NRXN3: variants seen among roughly 807,000 people sequenced by gnomAD.
NRXN3 encodes the protein neurexin 3.
A neutral mutation model predicts 137.6 loss-of-function variants in NRXN3; 32 were observed. The ratio of observed to expected loss-of-function variants is 0.23; its 90% confidence interval spans 0.18 to 0.31. NRXN3 has a LOEUF of 0.31. NRXN3 is among the 10% of genes least tolerant of loss of function. NRXN3 has a pLI of 1.00. For missense variants in NRXN3, 1,574 were observed against 2,062.5 expected (o/e 0.76, Z 4.59); for synonymous variants, 798 against 784.5 (o/e 1.02, Z -0.29).
intron 10 of NRXN3, among the ~76,000 whole-genome samples, chr14:78,903,940 C>A (rs1597205327): frequency 6.6e-6 from 1 of 151,984 alleles, no homozygotes; most frequent in Non-Finnish European, 1.5e-5. Flanking sequence ...GTGATGTTAC[C>A]CATTTATAGG....
intron 15 of NRXN3, among the ~76,000 whole-genome samples, chr14:79,175,925 A>G (rs1250031940): frequency 6.6e-6 from 1 of 151,420 alleles, no homozygotes; most frequent in Non-Finnish European, 1.5e-5. Context: ...TGCACAGAGC[A>G]TGCACGACTC....
chr14:78,625,125 C>T (rs1489147630), intron 4 of NRXN3, among the ~76,000 whole-genome samples: 1 of 152,202 alleles, frequency 6.6e-6, no homozygotes, highest in Non-Finnish European at 1.5e-5. Context: ...CAGGCGTGAG[C>T]CACCGCACCT....
intron 19 of NRXN3, among the ~76,000 whole-genome samples, chr14:79,762,383 A>G (rs938595596): frequency 6.6e-6 from 1 of 151,754 alleles, no homozygotes; most frequent in Non-Finnish European, 1.5e-5. Context: ...AACTGAAGAA[A>G]GAAGGTTGCT....
At chr14:78,676,126 A>G (rs1368696706) in intron 6 of NRXN3, among the ~76,000 whole-genome samples, 1 of 152,190 alleles carries the variant, frequency 6.6e-6, no homozygotes, top group Non-Finnish European at 1.5e-5. Flanking sequence ...AGGCCAATTA[A>G]TAGCCCTACT....
At chr14:79,406,180 A>C (rs2095307075) in intron 15 of NRXN3, among the ~76,000 whole-genome samples, 1 of 151,950 alleles carries the variant, frequency 6.6e-6, no homozygotes, top group African/African-American at 2.4e-5. Flanking sequence ...CCAGATGACC[A>C]AGCCCTACAT....
At chr14:78,576,792 G>A (rs540678856) in intron 4 of NRXN3, among the ~76,000 whole-genome samples, 2 of 152,202 alleles carry the variant, frequency 1.3e-5, no homozygotes, top group Admixed American at 6.5e-5. Flanking sequence ...GAAAACTTGG[G>A]GCAAAATTTG....
chr14:79,711,372 A>T (rs1298430761), intron 19 of NRXN3, among the ~76,000 whole-genome samples: 1 of 152,180 alleles, frequency 6.6e-6, no homozygotes, highest in Non-Finnish European at 1.5e-5. Flanking sequence ...CTTTATAAAA[A>T]ATGTAAACAA....
At chr14:79,388,312 A>G (rs968214462) in intron 15 of NRXN3, among the ~76,000 whole-genome samples, 6 of 152,106 alleles carry the variant, frequency 3.9e-5, no homozygotes, top group African/African-American at 1.4e-4. Context: ...AAAAAAATAA[A>G]TTACCCAGTC....
chr14:78,501,998 G>C (rs148206592), intron 4 of NRXN3, among the ~76,000 whole-genome samples: 1,960 of 152,172 alleles, frequency 0.013, 45 homozygotes, highest in African/African-American at 0.045. Flanking sequence ...AACTATAACA[G>C]AACACTGGAT....
chr14:79,256,506 C>T (rs112856346), intron 15 of NRXN3, among the ~76,000 whole-genome samples: 3,193 of 152,200 alleles, frequency 0.021, 94 homozygotes, highest in African/African-American at 0.071. Flanking sequence ...AGCACCTCCA[C>T]GCTTCTCTCA....
At chr14:79,235,348 C>A (rs1395823856) in intron 15 of NRXN3, among the ~76,000 whole-genome samples, 1 of 152,140 alleles carries the variant, frequency 6.6e-6, no homozygotes, top group South Asian at 2.1e-4. Context: ...TTTGGGCCAA[C>A]AAGTAACCTC....
chr14:78,587,111 GTA>G (rs1254233033), intron 4 of NRXN3, among the ~76,000 whole-genome samples: 1 of 152,206 alleles, frequency 6.6e-6, no homozygotes, highest in African/African-American at 2.4e-5. Flanking sequence ...TTGCATCCAT[GTA>G]GCAGGTTCTG....
At chr14:79,082,415 G>GTGTGTGTGTA (rs1384422477) in intron 15 of NRXN3, among the ~76,000 whole-genome samples, 2 of 151,958 alleles carry the variant, frequency 1.3e-5, no homozygotes, top group African/African-American at 4.8e-5. Flanking sequence ...GTGTGTGTGT[G>GTGTGTGTGTA]TGTGTAGACA....
chr14:78,936,947 A>T (rs2099342023), intron 10 of NRXN3, among the ~76,000 whole-genome samples: 1 of 152,120 alleles, frequency 6.6e-6, no homozygotes, highest in Admixed American at 6.5e-5. Context: ...TCTGTGGGGC[A>T]AAGTGGCTCA....
intron 15 of NRXN3, among the ~76,000 whole-genome samples, chr14:79,004,267 CT>C (rs904081672): frequency 2.0e-5 from 3 of 151,006 alleles, no homozygotes; most frequent in African/African-American, 2.4e-5. Context: ...TTCTTTCTTT[CT>C]TTTTTTTTAG....
chr14:78,738,687 T>C (rs2098551493), intron 8 of NRXN3, among the ~76,000 whole-genome samples: 1 of 152,190 alleles, frequency 6.6e-6, no homozygotes, highest in Non-Finnish European at 1.5e-5. Context: ...CACCCCATTC[T>C]TTTTCCCCAC....
chr14:78,356,831 A>G (rs1034080591), intron 4 of NRXN3, among the ~76,000 whole-genome samples: 9 of 152,300 alleles, frequency 5.9e-5, no homozygotes, highest in Middle Eastern at 3.4e-3. Context: ...ACTACTCAGC[A>G]AAAAAGGGAA....
intron 16 of NRXN3, among the ~76,000 whole-genome samples, chr14:79,562,289 T>G (rs2097505254): frequency 6.6e-6 from 1 of 152,146 alleles, no homozygotes; most frequent in Non-Finnish European, 1.5e-5. Flanking sequence ...ATAGGCCCTA[T>G]TTTTCGAGTA....
intron 4 of NRXN3, among the ~76,000 whole-genome samples, chr14:78,533,646 C>T (rs984000783): frequency 1.3e-5 from 2 of 152,180 alleles, no homozygotes; most frequent in Non-Finnish European, 2.9e-5. Flanking sequence ...TGGGAGCCTT[C>T]CCCTTTGCCA....
Sources: gnomAD v4.1 joint callset for allele counts (sites outside exome capture counted in the v4.1 genomes callset) on GRCh38, gnomAD v4.1.1 for gene constraint, MANE v1.5 for transcripts, NCBI Gene and HGNC (gene_info 2026-07-23, HGNC 2026-07-21) for gene names.